Variants in RSRC1 observed in about 807,000 individuals in gnomAD.
The protein encoded by RSRC1 is serine/Arginine-related protein 53.
Under a neutral mutation model 49.1 loss-of-function variants are expected in RSRC1, and 39 were observed. The observed-to-expected ratio is 0.79, with a 90% CI of 0.61 to 1.04. The LOEUF (loss-of-function observed/expected upper bound fraction) is 1.04. RSRC1 is among the 50% of genes least tolerant of loss of function. The pLI is 0.00. For missense variants in RSRC1, 388 were observed against 402.4 expected, an observed-to-expected ratio of 0.96 and a Z score of 0.31; for synonymous variants, 143 against 130.8, an observed-to-expected ratio of 1.09 and a Z score of -0.63.
chr3:158,485,602 C>T (rs1454381062), intron 7 of RSRC1, among the ~76,000 whole-genome samples: 1 of 151,986 alleles, frequency 6.6e-6, no homozygotes, highest in East Asian at 1.9e-4. Context: ...TATTTGAGCT[C>T]GAAGTTTTGT....
chr3:158,129,132 C>T (rs1051166978), intron 3 of RSRC1, among the ~76,000 whole-genome samples: 7 of 152,084 alleles, frequency 4.6e-5, no homozygotes, highest in African/African-American at 7.2e-5. Context: ...CTCAACCTTT[C>T]ACTTACTAAC....
intron 6 of RSRC1, among the ~76,000 whole-genome samples, chr3:158,446,968 C>A (rs533767792): frequency 2.6e-4 from 39 of 152,112 alleles, no homozygotes; most frequent in African/African-American, 9.1e-4. Flanking sequence ...TGTCATCCAA[C>A]GAAACTTGCA....
intron 4 of RSRC1, among the ~76,000 whole-genome samples, chr3:158,239,275 G>C (rs1446595652): frequency 1.3e-5 from 2 of 152,138 alleles, no homozygotes; most frequent in African/African-American, 4.8e-5. Context: ...GTGTAAATTA[G>C]TTCAACCATT....
chr3:158,379,729 C>G (rs1219045239), intron 6 of RSRC1, among the ~76,000 whole-genome samples: 1 of 151,844 alleles, frequency 6.6e-6, no homozygotes, highest in Non-Finnish European at 1.5e-5. Flanking sequence ...CTAGCTTACT[C>G]TCTTGCCTCC....
rs1713270665 is a variant in RSRC1 at position 158,545,193 on chromosome 3, C to CTGTTTTTTTTTTTTTTTTTTTTTTTTTT, written c.*919_*920insGTTTTTTTTTTTTTTTTTTTTTTTTTTT. 1.3e-5 allele frequency: 1 copy of CTGTTTTTTTTTTTTTTTTTTTTTTTTTT among 74,624 alleles called. No homozygotes were observed. Among genetic ancestry groups the CTGTTTTTTTTTTTTTTTTTTTTTTTTTT allele is most frequent in the Non-Finnish European group, 2.7e-5 (1 of 37,266 alleles). The allele number at this position is 74,624 out of a possible 1,614,324, so 4.6% of individuals were successfully genotyped here. On this transcript the variant is annotated 3_prime_UTR_variant, in exon 10 of 10. Coordinates refer to ENST00000611884, the MANE Select transcript of RSRC1 (RefSeq NM_001271838.2). ...CATGAATATTTCCCGTTTCTATTTTCTTTTTTTTTTTTTTTTTTTTTTTTT... is the reference window on the plus strand; with the variant it reads ...CATGAATATTTCCCGTTTCTATTTTCTGTTTTTTTTTTTTTTTTTTTTTTTTTTTTTTTTTTTTTTTTTTTTTTTTTTT...
At chr3:158,527,488 G>A (rs1712111319) in intron 7 of RSRC1, among the ~76,000 whole-genome samples, 1 of 151,684 alleles carries the variant, frequency 6.6e-6, no homozygotes, top group South Asian at 2.1e-4. Flanking sequence ...TGTTGCCTCT[G>A]GGTTCAATAT....
intron 3 of RSRC1, chr3:158,136,998 T>G (rs1187641506): frequency 1.3e-5 from 2 of 152,224 alleles, no homozygotes; most frequent in African/African-American, 4.8e-5. Flanking sequence ...TTCATTTACC[T>G]GAGGTAGTCC....
intron 4 of RSRC1, among the ~76,000 whole-genome samples, chr3:158,217,592 T>C (rs145462990): frequency 2.9e-3 from 435 of 151,534 alleles, no homozygotes; most frequent in African/African-American, 0.01. Flanking sequence ...GCAGGAACAG[T>C]GATAACTGAT....
At chr3:158,160,491 A>G (rs758587838) in intron 3 of RSRC1, among the ~76,000 whole-genome samples, 5 of 152,196 alleles carry the variant, frequency 3.3e-5, no homozygotes, top group Admixed American at 6.5e-5. Context: ...AATTGTGCCT[A>G]TTAAACAAGC....
At chr3:158,397,075 A>T (rs1733650033) in intron 6 of RSRC1, among the ~76,000 whole-genome samples, 1 of 152,170 alleles carries the variant, frequency 6.6e-6, no homozygotes. Flanking sequence ...AAAAAAATCT[A>T]ATCTTTATAT....
rs189444816 is a variant in RSRC1 at position 158,114,683 on chromosome 3, T to C, written c.-3+4460T>C. ...TGTCCTCTCTGATTTCCTTGAGCAG[T>C]GGTTTGTAGTTCTCCTTGAAGAGGT... On this transcript the variant is annotated intron_variant, in intron 1 of 9. Transcript: ENST00000611884. Among the ~76,000 whole-genome samples the C allele has an allele frequency of 2.0e-5, 3 of 152,280 alleles. No homozygotes were observed. The East Asian group carries it at 5.8e-4, about 29-fold the overall frequency.
chr3:158,241,719 C>T (rs184622598), intron 4 of RSRC1, among the ~76,000 whole-genome samples: 9 of 152,020 alleles, frequency 5.9e-5, no homozygotes, highest in African/African-American at 1.9e-4. Context: ...GCAGTAGTAT[C>T]GACTCTTCTA....
At position 158,537,082 on chromosome 3, in the gene RSRC1, T is replaced by C; in HGVS notation, c.653-10T>C. The C allele has an allele frequency of 6.3e-7, 1 of 1,590,772 alleles. No individual in the cohort carries two copies. Among genetic ancestry groups the C allele is most frequent in the Non-Finnish European group, 8.6e-7 (1 of 1,160,268 alleles). On this transcript the variant is annotated splice_polypyrimidine_tract_variant and intron_variant, in intron 7 of 9. Coordinates refer to ENST00000611884, the MANE Select transcript of RSRC1 (RefSeq NM_001271838.2). ...ACCAAAATACGCTGACATTATACCC[T>C]CTTTTTCAGACCAAGCCACCCTGGT...
chr3:158,230,022 A>C (rs1267053578), intron 4 of RSRC1, among the ~76,000 whole-genome samples: 1 of 152,064 alleles, frequency 6.6e-6, no homozygotes, highest in Non-Finnish European at 1.5e-5. Flanking sequence ...CCCTTCACCT[A>C]GGATGCGATC....
At chr3:158,121,877 A>G (rs1715282482) in intron 1 of RSRC1, among the ~76,000 whole-genome samples, 1 of 152,160 alleles carries the variant, frequency 6.6e-6, no homozygotes, top group Non-Finnish European at 1.5e-5. Context: ...ATGGTGGCTC[A>G]TGCCTGTAGT....
chr3:158,328,917 T>C (rs1335788144), intron 5 of RSRC1, among the ~76,000 whole-genome samples: 1 of 152,250 alleles, frequency 6.6e-6, no homozygotes, highest in Non-Finnish European at 1.5e-5. Flanking sequence ...CCCATATTTC[T>C]TGGAGGCTTT....
At chr3:158,259,663 G>T (rs928169937) in intron 4 of RSRC1, among the ~76,000 whole-genome samples, 1 of 152,158 alleles carries the variant, frequency 6.6e-6, no homozygotes, top group Non-Finnish European at 1.5e-5. Flanking sequence ...TCTTTTCAGG[G>T]CAGCGAGTTC....
At chr3:158,275,588 T>G (rs1017541632) in intron 4 of RSRC1, among the ~76,000 whole-genome samples, 2 of 152,242 alleles carry the variant, frequency 1.3e-5, no homozygotes, top group Admixed American at 6.5e-5. Flanking sequence ...TACTGACATA[T>G]AATTCCCTAA....
At chr3:158,256,265 C>T (rs933699439) in intron 4 of RSRC1, among the ~76,000 whole-genome samples, 1 of 152,076 alleles carries the variant, frequency 6.6e-6, no homozygotes, top group Non-Finnish European at 1.5e-5. Flanking sequence ...GAGTTTTTAG[C>T]ATGAAGGGCT....
Sources: gnomAD v4.1 joint callset for allele counts (sites outside exome capture counted in the v4.1 genomes callset) on GRCh38, gnomAD v4.1.1 for gene constraint, MANE v1.5 for transcripts, NCBI Gene and HGNC (gene_info 2026-07-23, HGNC 2026-07-21) for gene names.